CRTC2: variants seen among roughly 807,000 people sequenced by gnomAD.
CRTC2 encodes the protein CREB regulated transcription coactivator 2, also known as CREB-regulated transcription coactivator 2.
Under a neutral mutation model 70.9 loss-of-function variants are expected in CRTC2, and 25 were observed. That is an observed-to-expected ratio of 0.35 (90% CI 0.26 to 0.49). The LOEUF (loss-of-function observed/expected upper bound fraction) is 0.49. Among genes scored for constraint, CRTC2 ranks in the 20% least tolerant of loss-of-function variants. CRTC2 has a pLI of 0.98. For missense variants in CRTC2, 737 were observed against 882.6 expected, an observed-to-expected ratio of 0.83 and a Z score of 2.09; for synonymous variants, 330 against 364.1, an observed-to-expected ratio of 0.91 and a Z score of 1.07.
At position 153,948,238 on chromosome 1, in the gene CRTC2, C is replaced by T. The variant is rs758791458; in HGVS notation, c.1953G>A (p.Gly651=). 1.2e-6 allele frequency: 2 copies of T among 1,614,256 alleles called. No homozygotes were observed. The highest frequency in any genetic ancestry group is 1.7e-6 in the Non-Finnish European group (2 of 1,180,046). ...FEVSAAGLEL[G]LGLEDELRME... is the part of the protein sequence containing the mutation. ...TGCGCAGCTCATCTTCTAGCCCAAG[C>T]CCTAGCTCCAATCCAGCTGCTGACA... Residue 651 remains glycine, a synonymous_variant, in exon 14 of 14, where the codon GGG becomes GGA. Transcript: ENST00000368633.
chr1:153,951,482 A>G lies in CRTC2; in HGVS notation c.1182T>C (p.Ala394=). The G allele has an allele frequency of 6.2e-7, 1 of 1,600,542 alleles. No individual in the cohort carries two copies. Among genetic ancestry groups the G allele is most frequent in the South Asian group, 1.1e-5 (1 of 88,536 alleles). Residue 394 remains alanine, a synonymous_variant, in exon 11 of 14, where the codon GCT becomes GCC. Coordinates refer to ENST00000368633, the MANE Select transcript of CRTC2 (RefSeq NM_181715.3). ...TTSLGHPSLS[A]PALSSSSSSS... is the part of the protein sequence containing the mutation. ...AGGAAGAGGAGGAGGAGAGAGCCGG[A>G]GCACTGAGTGAGGGGTGGCCCAGGG...
In CRTC2 at chr1:153,948,997, C is replaced by G. The variant is rs1056362153; in HGVS notation, c.1674+118G>C. On this transcript the variant is annotated intron_variant, in intron 12 of 13. Transcript: ENST00000368633. Reference sequence around the variant, plus strand: ...GTTACCTCCGGGGAGAGGAGATCTCCCCACCACCCACCCCACCTAGATCTC... The same window carrying G: ...GTTACCTCCGGGGAGAGGAGATCTCGCCACCACCCACCCCACCTAGATCTC... 98 of 1,151,488 alleles carry G rather than the reference C, an allele frequency of 8.5e-5. No homozygotes were observed. In the East Asian group the frequency reaches 8.5e-4, roughly 10 times the overall value. 71.3% of individuals were successfully genotyped at this position (1,151,488 alleles called of 1,614,324 possible).
intron 1 of CRTC2, 80 bp downstream of exon 1, chr1:153,958,265 C>G (rs77602375): frequency 6.5e-7 from 1 of 1,528,772 alleles, no homozygotes; most frequent in African/African-American, 1.4e-5. Context: ...TTCGCTGCGG[C>G]GCCCGCCCCC....
chr1:153,948,547 A>G lies in CRTC2; in HGVS notation c.1772T>C (p.Met591Thr). 1 of 1,612,448 alleles carries G rather than the reference A, an allele frequency of 6.2e-7. No individual in the cohort carries two copies. Residue 591 changes from methionine (M) to threonine (T), a missense_variant, in exon 13 of 14, where the codon ATG (methionine) becomes ACG (threonine). Physicochemically the swap from Met to Thr is moderately conservative, Grantham distance 81. Transcript: ENST00000368633. ...GPGFLGGEGP[M>T]GGPQDPHTFN... is the part of the protein sequence containing the mutation. Reference sequence around the variant, plus strand: ...GGTGTGGGGATCCTGGGGGCCACCCATTGGCCCCTCACCCCCTAAAAATCC... The same window carrying G: ...GGTGTGGGGATCCTGGGGGCCACCCGTTGGCCCCTCACCCCCTAAAAATCC...
At chr1:153,952,875 C>T (rs773959962) in intron 6 of CRTC2, 41 bp from the exon 7 acceptor site, 101 of 1,613,420 alleles carry the variant, frequency 6.3e-5, no homozygotes, top group Non-Finnish European at 7.9e-5. Context: ...TGCTCACTTG[C>T]CTACCTGCTT....
In CRTC2 at chr1:153,948,018, AG is replaced by A; in HGVS notation, c.*90del. The A allele has an allele frequency of 8.3e-7, 1 of 1,211,698 alleles. No individual in the cohort carries two copies. The highest frequency in any genetic ancestry group is 1.5e-5 in the African/African-American group (1 of 66,896). The allele number at this position is 1,211,698 out of a possible 1,614,324, so 75.1% of individuals were successfully genotyped here. On this transcript the variant is annotated 3_prime_UTR_variant, in exon 14 of 14. Coordinates refer to ENST00000368633, the MANE Select transcript of CRTC2 (RefSeq NM_181715.3). ...CATGCTAGAAAGAGGATCTGGGGAC[AG>A]AGAGTAGAGTCTCTACCTGCCAGGG...
chr1:153,954,138 G>A, intron 4 of CRTC2, 117 bp downstream of exon 4: 1 of 765,432 alleles, frequency 1.3e-6, no homozygotes, highest in Non-Finnish European at 2.3e-6. Flanking sequence ...GGCGTTATAG[G>A]AAGAGGTACT....
intron 11 of CRTC2, among the ~76,000 whole-genome samples, chr1:153,949,902 A>C (rs1373944757): frequency 6.6e-6 from 1 of 151,988 alleles, no homozygotes; most frequent in Non-Finnish European, 1.5e-5. Flanking sequence ...AGGCTAACAC[A>C]GGGGTAATTT....
At chr1:153,952,483 G>A in intron 8 of CRTC2, 37 bp from the exon 9 acceptor site, 3 of 1,613,390 alleles carry the variant, frequency 1.9e-6, no homozygotes, top group Non-Finnish European at 2.5e-6. Context: ...AATGAGGACA[G>A]TGCTCAGCAG....
intron 11 of CRTC2, among the ~76,000 whole-genome samples, chr1:153,949,844 C>T (rs936804773): frequency 9.2e-5 from 13 of 140,994 alleles, no homozygotes; most frequent in Non-Finnish European, 1.9e-4. Flanking sequence ...AGCGAGACTC[C>T]GTCTCCAAAA....
rs753020386 is a variant in CRTC2, at chr1:153,952,026, T to C, written c.989A>G (p.Asp330Gly). ...SRGMGLGPGY[D>G]APGLHSPLSH... ...CCAGGACAGTCACTCACCTGGTGCA[T>C]CATAGCCTGGGCCCAGGCCCATGCC... Residue 330 changes from aspartate (D) to glycine (G), a missense_variant, in exon 10 of 14, where the codon GAT becomes GGT. This residue lies in a region of CRTC2 where 699 missense variants were observed against 823.7 expected (regional missense o/e 0.85). Transcript: ENST00000368633. The C allele has an allele frequency of 6.2e-7, 1 of 1,613,276 alleles. No individual in the cohort carries two copies. Among genetic ancestry groups the C allele is most frequent in the South Asian group, 1.1e-5 (1 of 91,014 alleles).
Position 153,958,490 on chromosome 1 carries a change from G to A in CRTC2, c.8C>T (p.Thr3Met). 1.2e-6 allele frequency: 2 copies of A among 1,608,998 alleles called. No individual in the cohort carries two copies. The highest frequency in any genetic ancestry group is 1.7e-6 in the Non-Finnish European group (2 of 1,176,760). The change falls in exon 1 of 14, where the codon ACG becomes ATG. Residue 3 changes from threonine (T) to methionine (M), a missense_variant. Thr to Met is a moderately conservative substitution (Grantham distance 81, BLOSUM62 -1). Coordinates refer to ENST00000368633, the MANE Select transcript of CRTC2 (RefSeq NM_181715.3). ...CGAACCAGGCCCGTTCGCCCCCGACGTCGCCATCTTCCTTCCCCGTCCCTC... is the reference window on the plus strand; with the variant it reads ...CGAACCAGGCCCGTTCGCCCCCGACATCGCCATCTTCCTTCCCCGTCCCTC... MA[T>M]SGANGPGSAT...
chr1:153,948,217 C>T lies in CRTC2; in HGVS notation c.1974G>A (p.Leu658=). The change falls in exon 14 of 14, where the codon CTG becomes CTA. Residue 658 remains leucine, a synonymous_variant. Transcript: ENST00000368633. ...CTTCCAGGCCCAGTGGCTCCATGCGCAGCTCATCTTCTAGCCCAAGCCCTA... is the reference window on the plus strand; with the variant it reads ...CTTCCAGGCCCAGTGGCTCCATGCGTAGCTCATCTTCTAGCCCAAGCCCTA... ...LELGLGLEDE[L]RMEPLGLEGL... is the part of the protein sequence containing the mutation. 1 of 1,614,268 alleles carries T rather than the reference C, an allele frequency of 6.2e-7. No individual in the cohort carries two copies. Among genetic ancestry groups the T allele is most frequent in the Non-Finnish European group, 8.5e-7 (1 of 1,180,040 alleles).
rs763066204 is a variant in CRTC2 at position 153,949,319 on chromosome 1, G to A, written c.1470C>T (p.Ser490=). 1.9e-6 allele frequency: 3 copies of A among 1,614,020 alleles called. No homozygotes were observed. The highest frequency in any genetic ancestry group is 2.5e-6 in the Non-Finnish European group (3 of 1,180,018). ...DQRLPPYPYS[S]PSLVLPTQPH... ...GCTGGGTAGGCAGAACCAGACTTGG[G>A]GAGCTGTATGGGTATGGGGGTAACC... Residue 490 remains serine (S), a synonymous_variant, in exon 12 of 14, where the codon TCC becomes TCT. Coordinates refer to ENST00000368633, the MANE Select transcript of CRTC2 (RefSeq NM_181715.3).
In CRTC2 at chr1:153,955,148, G is replaced by A. The variant is rs1680557128; in HGVS notation, c.172C>T (p.Arg58Ter). The A allele has an allele frequency of 1.2e-6, 2 of 1,613,772 alleles. No individual in the cohort carries two copies. Among genetic ancestry groups the A allele is most frequent in the Non-Finnish European group, 1.7e-6 (2 of 1,179,718 alleles). The change falls in exon 2 of 14, where the codon CGA becomes TGA. Residue 58 changes from arginine (R) to a stop codon, truncating the protein, a stop_gained. Transcript: ENST00000368633. LOFTEE classifies it high-confidence loss of function. Reference sequence around the variant, plus strand: ...TGAGAGCTCCTTGTGTATGCCAGTCGCAGTTTTTGGGCCTGTAACTGAGAC... The same window carrying A: ...TGAGAGCTCCTTGTGTATGCCAGTCACAGTTTTTGGGCCTGTAACTGAGAC... ...GSTRLQAQKL[R>*]LAYTRSSHYG...
rs1680151385 is a variant in CRTC2 at position 153,948,616 on chromosome 1, G to C, written c.1703C>G (p.Ser568Ter). 6.3e-7 allele frequency: 1 copy of C among 1,593,422 alleles called. No individual in the cohort carries two copies. ...AGGGGGATCCAGCACCAGGCTGGCTGATGGGCTCTCCATGCTGAACTGCTC... is the reference window on the plus strand; with the variant it reads ...AGGGGGATCCAGCACCAGGCTGGCTCATGGGCTCTCCATGCTGAACTGCTC... The part of the protein sequence containing the change: ...NLEQFSMESP[S>*]ASLVLDPPGF... Residue 568 changes from serine to a stop codon, truncating the protein, a stop_gained, in exon 13 of 14, where the codon TCA (serine) becomes TGA (stop). Transcript: ENST00000368633. LOFTEE classifies it high-confidence loss of function.
chr1:153,951,121 G>C (rs1171783469), intron 11 of CRTC2, 139 bp downstream of exon 11: 2 of 947,526 alleles, frequency 2.1e-6, no homozygotes, highest in South Asian at 1.6e-5. Flanking sequence ...ATGGATAAAA[G>C]ATGGGGCAGG....
chr1:153,956,161 T>C (rs892250670), intron 1 of CRTC2, among the ~76,000 whole-genome samples: 1 of 152,188 alleles, frequency 6.6e-6, no homozygotes, highest in Non-Finnish European at 1.5e-5. Context: ...ATCCAAGGAA[T>C]AGCAGCTCTC....
rs1014702373 is a variant in CRTC2 at position 153,958,419 on chromosome 1, C to A, written c.79G>T (p.Ala27Ser). ...SNPRKFSEKIALQKQRQAEET... is the reference protein window; with the variant it reads ...SNPRKFSEKISLQKQRQAEET... ...TCGGCCTGACGCTGCTTCTGCAGCG[C>A]AATCTTCTCACTAAATTTGCGCGGA... Residue 27 changes from alanine to serine, a missense_variant, in exon 1 of 14, where the codon GCG (alanine) becomes TCG (serine). Ala to Ser is a moderately conservative substitution (Grantham distance 99, BLOSUM62 1). Coordinates refer to ENST00000368633, the MANE Select transcript of CRTC2 (RefSeq NM_181715.3). 1.2e-6 allele frequency: 2 copies of A among 1,613,502 alleles called. No individual in the cohort carries two copies. Among genetic ancestry groups the A allele is most frequent in the Non-Finnish European group, 1.7e-6 (2 of 1,179,772 alleles).
Sources: gnomAD v4.1 joint callset for allele counts (sites outside exome capture counted in the v4.1 genomes callset) on GRCh38, gnomAD v4.1.1 for gene constraint, gnomAD v4.1.1 regional missense constraint, MANE v1.5 for transcripts, NCBI Gene and HGNC (gene_info 2026-07-23, HGNC 2026-07-21) for gene names.